PPARA: variants seen among roughly 807,000 people sequenced by gnomAD.
PPARA encodes the protein peroxisome proliferator-activated receptor alpha.
In PPARA, 22 loss-of-function variants were observed where a neutral mutation model predicts 42.2. The observed-to-expected ratio is 0.52, with a 90% confidence interval of 0.37 to 0.74. PPARA has a LOEUF of 0.74. Among genes scored for constraint, PPARA ranks in the 30% least tolerant of loss-of-function variants. PPARA has a pLI of 0.00. For synonymous variants in PPARA, 242 were observed against 239.3 expected, an observed-to-expected ratio of 1.01 and a Z score of -0.10; for missense variants, 465 against 608.2, an observed-to-expected ratio of 0.76 and a Z score of 2.48.
Position 46,233,301 on chromosome 22 carries a change from C to G in PPARA, c.1159+1062C>G, listed in dbSNP as rs1033275564. Among the ~76,000 whole-genome samples the G allele has an allele frequency of 6.6e-6, 1 of 152,186 alleles. No individual in the cohort carries two copies. The highest frequency in any genetic ancestry group is 2.4e-5 in the African/African-American group (1 of 41,444). Reference sequence around the variant, plus strand: ...TCCCAGGGAAGGCCGATCTGGTCCTCTCTGTGGAAGCTGGCTCTGCAGCCT... The same window carrying G: ...TCCCAGGGAAGGCCGATCTGGTCCTGTCTGTGGAAGCTGGCTCTGCAGCCT... On this transcript the variant is annotated intron_variant, in intron 8 of 8. Transcript: ENST00000407236. This position sits in a 1 kb window ranked among gnomAD's most constrained non-coding sequence, Gnocchi z 7.3.
rs974440381 is a variant in PPARA, at chr22:46,239,701, C to G, written c.*4321C>G. On this transcript the variant is annotated 3_prime_UTR_variant, in exon 9 of 9. Coordinates refer to ENST00000407236, the MANE Select transcript of PPARA (RefSeq NM_005036.6). ...CCTCTTCACCTCTTCCTGCTGGCCACGAGGAAGCCACTTCCTCAGAGAGAC... is the reference window on the plus strand; with the variant it reads ...CCTCTTCACCTCTTCCTGCTGGCCAGGAGGAAGCCACTTCCTCAGAGAGAC... 5.6e-5 allele frequency: 8 copies of G among 143,024 alleles called. No homozygotes were observed. The highest frequency in any genetic ancestry group is 2.1e-4 in the African/African-American group (8 of 37,696). 8.9% of individuals were successfully genotyped at this position (143,024 alleles called of 1,614,324 possible).
chr22:46,152,130 T>TC (rs1924527075), intron 2 of PPARA, among the ~76,000 whole-genome samples, 160 bp downstream of exon 2: 1 of 148,710 alleles, frequency 6.7e-6, no homozygotes, highest in Non-Finnish European at 1.5e-5. Flanking sequence ...GTGCATGGAT[T>TC]CATTTTTTTT....
intron 7 of PPARA, among the ~76,000 whole-genome samples, chr22:46,229,236 C>A (rs77308909): frequency 0.01 from 1,592 of 152,102 alleles, 32 homozygotes; most frequent in African/African-American, 0.037. Flanking sequence ...TGCCATCGAT[C>A]CTTGAAAAAT....
Position 46,238,459 on chromosome 22 carries a change from A to G in PPARA, c.*3079A>G, listed in dbSNP as rs1936278600. The G allele has an allele frequency of 6.6e-6, 1 of 152,248 alleles. No individual in the cohort carries two copies. The highest frequency in any genetic ancestry group is 1.5e-5 in the Non-Finnish European group (1 of 68,048). 9.4% of individuals were successfully genotyped at this position (152,248 alleles called of 1,614,324 possible). The stretch of plus-strand genomic sequence containing the variant: ...TCAGGACAGATTCCAGGAGTGTCGG[A>G]GCACATGTGTGGCACCCGCTCCCTC... On this transcript the variant is annotated 3_prime_UTR_variant, in exon 9 of 9. Coordinates refer to ENST00000407236, the MANE Select transcript of PPARA (RefSeq NM_005036.6). This position sits in a 1 kb window ranked among gnomAD's most constrained non-coding sequence, Gnocchi z 8.3.
intron 2 of PPARA, among the ~76,000 whole-genome samples, chr22:46,154,840 AT>A (rs896829895): frequency 6.6e-6 from 1 of 150,790 alleles, no homozygotes; most frequent in African/African-American, 2.4e-5. Flanking sequence ...GGCCTGACTC[AT>A]TTTTGTATTT....
intron 3 of PPARA, among the ~76,000 whole-genome samples, chr22:46,197,760 T>G (rs922450000): frequency 6.6e-6 from 1 of 151,460 alleles, no homozygotes; most frequent in Non-Finnish European, 1.5e-5. Flanking sequence ...AAAAACTAGC[T>G]GGGCGTGGTG....
rs988867156 is a variant in PPARA, at chr22:46,219,737, G to C, written c.509-75G>C. 4 of 1,430,260 alleles carry C rather than the reference G, an allele frequency of 2.8e-6. No individual in the cohort carries two copies. Among genetic ancestry groups the C allele is most frequent in the Non-Finnish European group, 3.9e-6 (4 of 1,016,334 alleles). 88.6% of individuals were successfully genotyped at this position (1,430,260 alleles called of 1,614,324 possible). Reference sequence around the variant, plus strand: ...TCATTCCTGGTTTAAAGTCCTGGGGGAGCCCCTCGTCCAGCCCTGTCCGCG... The same window carrying C: ...TCATTCCTGGTTTAAAGTCCTGGGGCAGCCCCTCGTCCAGCCCTGTCCGCG... On this transcript the variant is annotated intron_variant, in intron 6 of 8. Coordinates refer to ENST00000407236, the MANE Select transcript of PPARA (RefSeq NM_005036.6). The surrounding 1 kb of genome is among the most constrained non-coding windows in gnomAD (Gnocchi z 4.8).
Position 46,224,093 on chromosome 22 carries a change from G to A in PPARA, c.711+4079G>A, listed in dbSNP as rs1371982646. On this transcript the variant is annotated intron_variant, in intron 7 of 8. Coordinates refer to ENST00000407236, the MANE Select transcript of PPARA (RefSeq NM_005036.6). This position sits in a 1 kb window ranked among gnomAD's most constrained non-coding sequence, Gnocchi z 5.7. ...CCCACACCCACAAAGCCAGAGCACC[G>A]CAGGTACCAGTTTTCAAGGCAACCT... 2.0e-5 allele frequency among the ~76,000 whole-genome samples: 3 copies of A among 152,116 alleles called. No individual in the cohort carries two copies. The highest frequency in any genetic ancestry group is 2.9e-5 in the Non-Finnish European group (2 of 68,024).
chr22:46,207,277 ATT>A (rs76116601), intron 4 of PPARA, among the ~76,000 whole-genome samples: 18,253 of 118,750 alleles, frequency 0.15, 999 homozygotes, highest in Non-Finnish European at 0.22. Context: ...TACATTGGCA[ATT>A]TTTTTTTTTT....
intron 5 of PPARA, among the ~76,000 whole-genome samples, chr22:46,217,255 G>A (rs971214860): frequency 3.9e-5 from 6 of 152,150 alleles, no homozygotes; most frequent in Non-Finnish European, 7.4e-5. Context: ...CGCGGGCCAA[G>A]CAGACCCACT....
intron 2 of PPARA, among the ~76,000 whole-genome samples, chr22:46,158,004 ACTAATGG>A (rs1925581647): frequency 6.6e-6 from 1 of 152,234 alleles, no homozygotes; most frequent in Non-Finnish European, 1.5e-5. Flanking sequence ...ATACAGAAGG[ACTAATGG>A]CTTCCAAGAT....
intron 4 of PPARA, among the ~76,000 whole-genome samples, chr22:46,206,726 G>C (rs1375459227): frequency 1.3e-5 from 2 of 152,062 alleles, no homozygotes; most frequent in Non-Finnish European, 2.9e-5. Flanking sequence ...ATAGTAGTAA[G>C]AAAAATTTTT....
intron 3 of PPARA, among the ~76,000 whole-genome samples, chr22:46,194,908 T>C (rs1264543276): frequency 7.0e-6 from 1 of 143,356 alleles, no homozygotes; most frequent in Admixed American, 7.1e-5. Context: ...TTTTTTTTTT[T>C]TTTCTTTTTT....
chr22:46,215,010 A>G (rs1934336861), intron 4 of PPARA, among the ~76,000 whole-genome samples, 163 bp from the exon 5 acceptor site: 1 of 152,104 alleles, frequency 6.6e-6, no homozygotes, highest in South Asian at 2.1e-4. Flanking sequence ...TAGGAGTGCA[A>G]GAGGGTGTGA....
chr22:46,235,305 G>C lies in PPARA; in HGVS notation c.1332G>C (p.Val444=). The C allele has an allele frequency of 6.2e-7, 1 of 1,614,100 alleles. No homozygotes were observed. Among genetic ancestry groups the C allele is most frequent in the East Asian group, 2.2e-5 (1 of 44,874 alleles). Residue 444 remains valine (V), a synonymous_variant, in exon 9 of 9, where the codon GTG becomes GTC. Transcript: ENST00000407236. The surrounding 1 kb of genome is among the most constrained non-coding windows in gnomAD (Gnocchi z 7.0). The part of the protein sequence containing the change: ...RQLVTEHAQL[V]QIIKKTESDA... ...TGGTGACGGAGCATGCGCAGCTGGT[G>C]CAGATCATCAAGAAGACGGAGTCGG...
In PPARA at chr22:46,180,193, G is replaced by C. The variant is rs1424703729; in HGVS notation, c.-43+3357G>C. 6.9e-6 allele frequency among the ~76,000 whole-genome samples: 1 copy of C among 145,604 alleles called. No individual in the cohort carries two copies. The highest frequency in any genetic ancestry group is 1.5e-5 in the Non-Finnish European group (1 of 66,572). On this transcript the variant is annotated intron_variant, in intron 3 of 8. Transcript: ENST00000407236. This position sits in a 1 kb window ranked among gnomAD's most constrained non-coding sequence, Gnocchi z 4.2. ...CACATTGAAAAACAGGTTGGCAGTT[G>C]CTTTTTTTTTTTTTTGAGATGGAGT... is the stretch of plus-strand genomic sequence containing the variant.
rs1238683669 is a variant in PPARA at position 46,204,628 on chromosome 22, T to A, written c.208+6037T>A. Reference sequence around the variant, plus strand: ...TGCACTTCCCTGGTGATTTTGAGCATCTTTTCGTATGCTTATTTGCCATAT... The same window carrying A: ...TGCACTTCCCTGGTGATTTTGAGCAACTTTTCGTATGCTTATTTGCCATAT... On this transcript the variant is annotated intron_variant, in intron 4 of 8. Transcript: ENST00000407236. This position sits in a 1 kb window ranked among gnomAD's most constrained non-coding sequence, Gnocchi z 5.2. Among the ~76,000 whole-genome samples, 2 of 152,224 alleles carry A rather than the reference T, an allele frequency of 1.3e-5. No homozygotes were observed. The highest frequency in any genetic ancestry group is 2.9e-5 in the Non-Finnish European group (2 of 68,048).
intron 7 of PPARA, among the ~76,000 whole-genome samples, chr22:46,220,864 A>G (rs1934944459): frequency 6.6e-6 from 1 of 151,946 alleles, no homozygotes; most frequent in Admixed American, 6.6e-5. Context: ...AATTGCTTCA[A>G]CCCGGGAGGC....
At chr22:46,177,973 A>G (rs1358120508) in intron 3 of PPARA, among the ~76,000 whole-genome samples, 1 of 152,154 alleles carries the variant, frequency 6.6e-6, no homozygotes, top group Non-Finnish European at 1.5e-5. Flanking sequence ...AAGGATTTAT[A>G]TCAGGATCTC....
Sources: allele counts gnomAD v4.1 joint callset (sites outside exome capture counted in the v4.1 genomes callset), GRCh38; gene constraint gnomAD v4.1.1; non-coding constraint Gnocchi (gnomAD v3.1); transcripts MANE v1.5; gene names NCBI Gene and HGNC (gene_info 2026-07-23, HGNC 2026-07-21).